The following PAK3 variants were observed in gnomAD, a reference collection of about 807,000 sequenced individuals.
The protein encoded by PAK3 is serine/threonine-protein kinase PAK 3.
Under a neutral mutation model 41.0 loss-of-function variants are expected in PAK3, and 4 were observed. The observed-to-expected ratio is 0.10, with a 90% CI of 0.05 to 0.22. PAK3 has a LOEUF of 0.22. PAK3 is among the 10% of genes least tolerant of loss of function. The pLI is 1.00. For missense variants in PAK3, 205 were observed against 409.9 expected (o/e 0.50, Z 4.32); for synonymous variants, 146 against 139.6 (o/e 1.05, Z -0.32).
chrX:111,034,414 C>T (rs1049634796), intron 1 of PAK3, among the ~76,000 whole-genome samples: 1 of 112,028 alleles, frequency 8.9e-6, no homozygotes, highest in Non-Finnish European at 1.9e-5. Context: ...ATTGTCATTG[C>T]TTCTTCACTC....
intron 5 of PAK3, among the ~76,000 whole-genome samples, chrX:111,137,136 G>A (rs2149069261): frequency 8.9e-6 from 1 of 112,048 alleles, no homozygotes; most frequent in East Asian, 2.8e-4. Flanking sequence ...AACGCACTTG[G>A]CCAGGAGAAC....
chrX:111,162,055 G>A (rs1247970564), intron 8 of PAK3, among the ~76,000 whole-genome samples: 1 of 111,592 alleles, frequency 9.0e-6, no homozygotes. Flanking sequence ...CACTTCCAGA[G>A]TTTCTGATTC....
chrX:111,087,174 A>C (rs1023326521), intron 1 of PAK3, among the ~76,000 whole-genome samples: 10 of 105,854 alleles, frequency 9.4e-5, no homozygotes, highest in African/African-American at 3.1e-4. Context: ...TGTGTGTGGC[A>C]GGGTTTGCTG....
At chrX:111,071,071 T>C (rs1475933700) in intron 1 of PAK3, among the ~76,000 whole-genome samples, 2 of 112,230 alleles carry the variant, frequency 1.8e-5, no homozygotes, top group Admixed American at 1.9e-4. Flanking sequence ...TCCAACCCTT[T>C]GATGTATTAA....
intron 8 of PAK3, among the ~76,000 whole-genome samples, chrX:111,162,182 A>G (rs1225491071): frequency 8.9e-6 from 1 of 111,854 alleles, no homozygotes; most frequent in East Asian, 2.8e-4. Flanking sequence ...TCAAAATCCA[A>G]CTTTGGAACC....
intron 8 of PAK3, among the ~76,000 whole-genome samples, chrX:111,160,499 G>A (rs1166688881): frequency 9.3e-6 from 1 of 107,751 alleles, no homozygotes; most frequent in Non-Finnish European, 1.9e-5. Context: ...AAGTTTTAGG[G>A]TACATGTGCA....
chrX:111,007,834 C>T (rs965284532), intron 1 of PAK3, among the ~76,000 whole-genome samples: 2 of 111,762 alleles, frequency 1.8e-5, no homozygotes, highest in African/African-American at 6.5e-5. Context: ...GCACAGAAGG[C>T]AACTGAGCTT....
intron 1 of PAK3, among the ~76,000 whole-genome samples, chrX:110,999,904 G>T (rs1437452163): frequency 1.8e-5 from 2 of 111,319 alleles, no homozygotes; most frequent in Non-Finnish European, 3.8e-5. Context: ...GGGGGCGAAG[G>T]TTGCAGTGAG....
chrX:110,999,530 T>C (rs760695806), intron 1 of PAK3, among the ~76,000 whole-genome samples: 2 of 110,801 alleles, frequency 1.8e-5, no homozygotes, highest in East Asian at 5.7e-4. Context: ...TGCGGAGTTC[T>C]TCAGTGCTCA....
At chrX:111,007,583 G>T (rs1452258939) in intron 1 of PAK3, among the ~76,000 whole-genome samples, 1 of 111,389 alleles carries the variant, frequency 9.0e-6, no homozygotes, top group Non-Finnish European at 1.9e-5. Context: ...TTTCATGCTG[G>T]CTGTGGCATG....
In PAK3 at chrX:111,220,606, A is replaced by T. The variant is rs980692560; in HGVS notation, c.*159A>T. 2 of 483,803 alleles carry T rather than the reference A, an allele frequency of 4.1e-6. No homozygotes were observed. Among genetic ancestry groups the T allele is most frequent in the Admixed American group, 6.3e-5 (2 of 31,601 alleles). The allele number at this position is 483,803 out of a possible 1,213,427, so 39.9% of individuals were successfully genotyped here. On this transcript the variant is annotated 3_prime_UTR_variant, in exon 18 of 18. Coordinates refer to ENST00000372007, the MANE Select transcript of PAK3 (RefSeq NM_002578.5). ...ATAAGCCTTTTTCCTACTCCCTCAG[A>T]TTATGTAATTTATTTGTAAGCCTGA... is the stretch of plus-strand genomic sequence containing the variant.
chrX:111,041,763 G>A (rs1379908227), intron 1 of PAK3, among the ~76,000 whole-genome samples: 1 of 110,485 alleles, frequency 9.1e-6, no homozygotes, highest in East Asian at 2.9e-4. Context: ...TTTCCTTCAA[G>A]ACCTGTCTTA....
At chrX:111,159,157 G>A (rs756766455) in intron 8 of PAK3, among the ~76,000 whole-genome samples, 1 of 111,034 alleles carries the variant, frequency 9.0e-6, no homozygotes, top group Non-Finnish European at 1.9e-5. Context: ...TAAAATGTAT[G>A]GTTAGGTATA....
intron 11 of PAK3, among the ~76,000 whole-genome samples, chrX:111,189,268 G>T (rs1434033330): frequency 1.8e-5 from 2 of 111,592 alleles, no homozygotes; most frequent in East Asian, 5.6e-4. Flanking sequence ...TCTTTTTATG[G>T]TTGCATAATA....
chrX:111,101,979 C>T (rs945926161), intron 3 of PAK3, among the ~76,000 whole-genome samples: 1 of 111,982 alleles, frequency 8.9e-6, no homozygotes, highest in Non-Finnish European at 1.9e-5. Flanking sequence ...TTGCAATCTC[C>T]GTGTTTAGAT....
chrX:110,964,685 C>T (rs961606236), intron 1 of PAK3, among the ~76,000 whole-genome samples: 1 of 112,083 alleles, frequency 8.9e-6, no homozygotes, highest in African/African-American at 3.2e-5. Flanking sequence ...TCTACCTGTG[C>T]CACGTCTGAA....
chrX:111,164,092 C>T (rs1351377707), intron 10 of PAK3, among the ~76,000 whole-genome samples: 1 of 111,012 alleles, frequency 9.0e-6, no homozygotes, highest in East Asian at 2.8e-4. Flanking sequence ...ACCTCAAAGC[C>T]CAACACAGTC....
At chrX:111,148,105 A>G (rs934142509) in intron 7 of PAK3, among the ~76,000 whole-genome samples, 1 of 112,196 alleles carries the variant, frequency 8.9e-6, no homozygotes, top group Non-Finnish European at 1.9e-5. Context: ...GTAATTATTT[A>G]GTGAAGGAGT....
chrX:111,103,447 G>A (rs1316176692), intron 4 of PAK3, 141 bp downstream of exon 4: 1 of 112,500 alleles, frequency 8.9e-6, no homozygotes, highest in African/African-American at 3.2e-5. Flanking sequence ...ATGTTCTGGG[G>A]AATTTTGCCC....
Sources: allele counts gnomAD v4.1 joint callset (sites outside exome capture counted in the v4.1 genomes callset), GRCh38; gene constraint gnomAD v4.1.1; transcripts MANE v1.5; gene names NCBI Gene and HGNC (gene_info 2026-07-23, HGNC 2026-07-21).